The following USP20 variants were observed in gnomAD, a reference collection of about 807,000 sequenced individuals.
The protein encoded by USP20 is ubiquitin specific peptidase 20.
A neutral mutation model predicts 124.2 loss-of-function variants in USP20; 80 were observed. The observed-to-expected ratio is 0.64, with a 90% CI of 0.54 to 0.78. The LOEUF is 0.78. Ranked by LOEUF, USP20 falls within the 30% of genes least tolerant of loss-of-function variation. The pLI is 0.00. For synonymous variants in USP20, 481 were observed against 512.3 expected (o/e 0.94, Z 0.83); for missense variants, 1,043 against 1,244.4 (o/e 0.84, Z 2.44).
intron 3 of USP20, among the ~76,000 whole-genome samples, chr9:129,855,123 T>C (rs1026577654): frequency 4.6e-5 from 7 of 152,196 alleles, no homozygotes; most frequent in Non-Finnish European, 8.8e-5. Flanking sequence ...GAGGGGATTA[T>C]GTGAGCAGTG....
intron 1 of USP20, among the ~76,000 whole-genome samples, chr9:129,847,285 G>C (rs1013161176): frequency 6.8e-5 from 10 of 146,896 alleles, no homozygotes; most frequent in African/African-American, 2.5e-4. Context: ...CCACACCCTC[G>C]CCAACAGCCA....
At position 129,876,197 on chromosome 9, in the gene USP20, C is replaced by G. The variant is rs780813570; in HGVS notation, c.2368C>G (p.Leu790Val). The change falls in exon 22 of 26, where the codon CTG (leucine) becomes GTG (valine). Residue 790 changes from leucine (L) to valine (V), a missense_variant. Physicochemically the swap from Leu to Val is conservative, Grantham distance 32. Coordinates refer to ENST00000372429, the MANE Select transcript of USP20 (RefSeq NM_001110303.4). ...CSICQVEIEA[L>V]AKRRRIEIDT... Reference sequence around the variant, plus strand: ...CATCTGCCAGGTGGAGATCGAGGCACTGGCCAAGCGCAGGAGGATCGAGAT... The same window carrying G: ...CATCTGCCAGGTGGAGATCGAGGCAGTGGCCAAGCGCAGGAGGATCGAGAT... The G allele has an allele frequency of 4.4e-6, 7 of 1,608,572 alleles. No homozygotes were observed. In the South Asian group the frequency reaches 7.7e-5, roughly 18 times the overall value.
At chr9:129,844,623 C>CAAAAA (rs1191781066) in intron 1 of USP20, among the ~76,000 whole-genome samples, 1 of 72,418 alleles carries the variant, frequency 1.4e-5, no homozygotes, top group Non-Finnish European at 2.7e-5. Flanking sequence ...GACTCTGTCT[C>CAAAAA]AAAAAAAAAA....
intron 2 of USP20, among the ~76,000 whole-genome samples, chr9:129,851,258 C>CTTTTTTTTTTTTTTTTT (rs35791819): frequency 7.9e-6 from 1 of 126,244 alleles, no homozygotes; most frequent in Non-Finnish European, 1.6e-5. Flanking sequence ...ATAACACATA[C>CTTTTTTTTTTTTTTTTT]TTTTTTTTTT....
At chr9:129,858,178 A>G (rs1050287634) in intron 5 of USP20, 66 bp downstream of exon 5, 4 of 1,538,180 alleles carry the variant, frequency 2.6e-6, no homozygotes, top group African/African-American at 1.4e-5. Context: ...CCCCAGCTCC[A>G]CCTTCCCACT....
At chr9:129,875,781 C>T in intron 21 of USP20, 140 bp downstream of exon 21, 1 of 777,030 alleles carries the variant, frequency 1.3e-6, no homozygotes, top group South Asian at 1.8e-5. Context: ...GAGCCGCCTT[C>T]ACTTGTCTCA....
intron 15 of USP20, among the ~76,000 whole-genome samples, chr9:129,871,804 C>T (rs561941261): frequency 2.0e-5 from 3 of 152,212 alleles, no homozygotes; most frequent in Admixed American, 2.0e-4. Flanking sequence ...GCAACCTCCA[C>T]CTCCTGGGTT....
chr9:129,868,810 G>C, intron 11 of USP20, 52 bp from the exon 12 acceptor site: 1 of 1,508,962 alleles, frequency 6.6e-7, no homozygotes, highest in South Asian at 1.3e-5. Context: ...CTGCCCACTC[G>C]TGGAGCTGGC....
At chr9:129,865,406 G>A (rs749968256) in intron 10 of USP20, 25 bp downstream of exon 10, 8 of 1,613,428 alleles carry the variant, frequency 5.0e-6, no homozygotes, top group South Asian at 1.1e-5. Flanking sequence ...CTGCCCAGGG[G>A]ACACCCAAGG....
intron 10 of USP20, among the ~76,000 whole-genome samples, chr9:129,865,696 A>C (rs1294970599): frequency 3.3e-5 from 5 of 151,942 alleles, no homozygotes; most frequent in African/African-American, 1.2e-4. Flanking sequence ...ACAGGGTCTC[A>C]CTCTGTCACC....
intron 17 of USP20, 135 bp from the exon 18 acceptor site, chr9:129,874,441 C>G: frequency 8.5e-7 from 1 of 1,178,094 alleles, no homozygotes; most frequent in Non-Finnish European, 1.2e-6. Flanking sequence ...AGTCTGGCCC[C>G]CACGTGGAAC....
chr9:129,868,434 C>T lies in USP20; in HGVS notation c.1120C>T (p.Pro374Ser), dbSNP rs2033937654. ...GCCCCCGTCACCACGGTCCTCCAGCCCCTGCCGGACGCCAGGTATCAGCTG... is the reference window on the plus strand; with the variant it reads ...GCCCCCGTCACCACGGTCCTCCAGCTCCTGCCGGACGCCAGGTATCAGCTG... ...AQPPSPRSSS[P>S]CRTPEPDNDA... is the part of the protein sequence containing the mutation. Residue 374 changes from proline (P) to serine (S), a missense_variant, in exon 11 of 26, where the codon CCC becomes TCC. Physicochemically the swap from Pro to Ser is moderately conservative, Grantham distance 74 (BLOSUM62 -1). Transcript: ENST00000372429. The T allele has an allele frequency of 6.2e-7, 1 of 1,610,256 alleles. No homozygotes were observed. Among genetic ancestry groups the T allele is most frequent in the South Asian group, 1.1e-5 (1 of 91,024 alleles).
intron 14 of USP20, 23 bp downstream of exon 14, chr9:129,869,867 G>A: frequency 6.5e-7 from 1 of 1,546,888 alleles, no homozygotes; most frequent in Non-Finnish European, 8.7e-7. Flanking sequence ...TGCCACTACT[G>A]GGCGACATGG....
intron 1 of USP20, among the ~76,000 whole-genome samples, chr9:129,846,106 C>A (rs944117135): frequency 6.6e-6 from 1 of 150,594 alleles, no homozygotes. Context: ...TTTGTATTTT[C>A]TTTTAGTAGA....
At chr9:129,869,517 G>A in intron 13 of USP20, 92 bp downstream of exon 13, 1 of 1,530,474 alleles carries the variant, frequency 6.5e-7, no homozygotes, top group East Asian at 2.3e-5. Context: ...GCTCTCCACG[G>A]GTGCTCCCTG....
Position 129,865,398 on chromosome 9 carries a change from G to T in USP20, c.690+17G>T. The T allele has an allele frequency of 1.2e-6, 2 of 1,613,982 alleles. No individual in the cohort carries two copies. The highest frequency in any genetic ancestry group is 3.3e-5 in the Admixed American group (2 of 60,022). On this transcript the variant is annotated intron_variant, in intron 10 of 25. Coordinates refer to ENST00000372429, the MANE Select transcript of USP20 (RefSeq NM_001110303.4). Reference sequence around the variant, plus strand: ...GCCCAGCAGGTAAGCCATCTGAGCTGCCCAGGGGACACCCAAGGCCATGAC... The same window carrying T: ...GCCCAGCAGGTAAGCCATCTGAGCTTCCCAGGGGACACCCAAGGCCATGAC...
rs763611791 is a variant in USP20 at position 129,858,462 on chromosome 9, T to C, written c.199-5T>C. 2 of 1,614,122 alleles carry C rather than the reference T, an allele frequency of 1.2e-6. No individual in the cohort carries two copies. Among genetic ancestry groups the C allele is most frequent in the Non-Finnish European group, 1.7e-6 (2 of 1,179,990 alleles). On this transcript the variant is annotated splice_polypyrimidine_tract_variant and splice_region_variant and intron_variant, in intron 5 of 25. Transcript: ENST00000372429. ...CTGGACCTTGTTTTGGATATCACCC[T>C]CTAGGCAAAAAAGCACAACTTGACC...
At chr9:129,850,217 T>C (rs1343676824) in intron 2 of USP20, among the ~76,000 whole-genome samples, 1 of 152,086 alleles carries the variant, frequency 6.6e-6, no homozygotes, top group African/African-American at 2.4e-5. Flanking sequence ...CTTTGTTTTT[T>C]CCTTTTTTTT....
chr9:129,849,554 G>A (rs1008533098), intron 1 of USP20, among the ~76,000 whole-genome samples: 1 of 152,186 alleles, frequency 6.6e-6, no homozygotes, highest in Non-Finnish European at 1.5e-5. Flanking sequence ...GAGCCCAGGA[G>A]TTCAAGACCA....
Sources: gnomAD v4.1 joint callset for allele counts (sites outside exome capture counted in the v4.1 genomes callset) on GRCh38, gnomAD v4.1.1 for gene constraint, MANE v1.5 for transcripts, NCBI Gene and HGNC (gene_info 2026-07-23, HGNC 2026-07-21) for gene names.